The following TLR8 variants were observed in gnomAD, a reference collection of about 807,000 sequenced individuals.
The protein encoded by TLR8 is toll like receptor 8, also known as toll-like receptor 8.
Under a neutral mutation model 18.5 loss-of-function variants are expected in TLR8, and 5 were observed. The observed-to-expected ratio is 0.27, with a 90% CI of 0.14 to 0.57. The LOEUF is 0.57. Among genes scored for constraint, TLR8 ranks in the 20% least tolerant of loss-of-function variants. TLR8 has a pLI of 0.92. For missense variants in TLR8, 543 were observed against 769.8 expected (o/e 0.71, Z 3.49); for synonymous variants, 299 against 300.1 (o/e 1.00, Z 0.04).
intron 1 of TLR8, among the ~76,000 whole-genome samples, chrX:12,915,307 C>A (rs2043047467): frequency 9.0e-6 from 1 of 111,346 alleles, no homozygotes; most frequent in Non-Finnish European, 1.9e-5. Flanking sequence ...GGACCACAAG[C>A]ATGAGCCACC....
chrX:12,911,980 A>G (rs1308200059), intron 1 of TLR8, among the ~76,000 whole-genome samples: 1 of 112,459 alleles, frequency 8.9e-6, no homozygotes, highest in Non-Finnish European at 1.9e-5. Context: ...TTGATCTTAG[A>G]GGATTCTATT....
chrX:12,913,383 C>T (rs1348153360), intron 1 of TLR8, among the ~76,000 whole-genome samples: 1 of 112,297 alleles, frequency 8.9e-6, no homozygotes, highest in Non-Finnish European at 1.9e-5. Context: ...CAATACTTTC[C>T]ACCATCTAAC....
In TLR8 at chrX:12,921,898, G is replaced by C; in HGVS notation, c.2858G>C (p.Ser953Thr). 8 of 1,211,525 alleles carry C rather than the reference G, an allele frequency of 6.6e-6. 1 individual carries two copies. In the East Asian group the frequency reaches 8.9e-5, roughly 13 times the overall value. Residue 953 changes from serine (S) to threonine (T), a missense_variant, in exon 2 of 2, where the codon AGC (serine) becomes ACC (threonine). Physicochemically the swap from Ser to Thr is moderately conservative, Grantham distance 58. This residue lies in a region of TLR8 where 227 missense variants were observed against 312.9 expected (regional missense o/e 0.73). Coordinates refer to ENST00000218032, the MANE Select transcript of TLR8 (RefSeq NM_138636.5). ...GTTTTAACCAAAAAATATGCAAAAA[G>C]CTGGAACTTTAAAACAGCTTTTTAC... ...VFVLTKKYAK[S>T]WNFKTAFYLA...
At position 12,919,589 on chromosome X, in the gene TLR8, T is replaced by C. The variant is rs756834432; in HGVS notation, c.549T>C (p.Phe183=). 7.5e-6 allele frequency: 9 copies of C among 1,207,132 alleles called. No individual in the cohort carries two copies. The highest frequency in any genetic ancestry group is 1.1e-6 in the Non-Finnish European group (1 of 894,319). Residue 183 remains phenylalanine, a synonymous_variant, in exon 2 of 2, where the codon TTT becomes TTC. Transcript: ENST00000218032. ...KNLYLAWNCY[F]NKVCEKTNIE... Reference sequence around the variant, plus strand: ...TCTATTTGGCCTGGAACTGCTATTTTAACAAAGTTTGCGAGAAAACTAACA... The same window carrying C: ...TCTATTTGGCCTGGAACTGCTATTTCAACAAAGTTTGCGAGAAAACTAACA...
chrX:12,918,632 C>T (rs1471048711), intron 1 of TLR8, among the ~76,000 whole-genome samples: 5 of 111,208 alleles, frequency 4.5e-5, no homozygotes, highest in African/African-American at 1.6e-4. Context: ...CTCAGGAGCT[C>T]AAGCCATCCT....
chrX:12,907,028 C>T (rs2147252147), intron 1 of TLR8, among the ~76,000 whole-genome samples: 1 of 111,962 alleles, frequency 8.9e-6, no homozygotes, highest in Admixed American at 9.4e-5. Context: ...CTGGCCCTAC[C>T]AGAGACAATA....
At chrX:12,907,367 A>G (rs2042991733) in intron 1 of TLR8, among the ~76,000 whole-genome samples, 1 of 112,631 alleles carries the variant, frequency 8.9e-6, no homozygotes, top group Middle Eastern at 4.2e-3. Flanking sequence ...AAGAACTGTC[A>G]GACTAAAAAT....
Position 12,921,811 on chromosome X carries a change from C to T in TLR8, c.2771C>T (p.Pro924Leu). ...LLCLEERDWD[P>L]GLAIIDNLMQ... The stretch of plus-strand genomic sequence containing the variant: ...TGTCTAGAGGAGAGGGATTGGGACC[C>T]GGGATTGGCCATCATCGACAACCTC... The change falls in exon 2 of 2, where the codon CCG becomes CTG. Residue 924 changes from proline (P) to leucine (L), a missense_variant. Physicochemically the swap from Pro to Leu is moderately conservative, Grantham distance 98. Coordinates refer to ENST00000218032, the MANE Select transcript of TLR8 (RefSeq NM_138636.5). 1 of 1,211,485 alleles carries T rather than the reference C, an allele frequency of 8.3e-7. No individual in the cohort carries two copies.
At position 12,919,423 on chromosome X, in the gene TLR8, G is replaced by C; in HGVS notation, c.383G>C (p.Arg128Thr). 2 of 1,210,919 alleles carry C rather than the reference G, an allele frequency of 1.7e-6. No individual in the cohort carries two copies. Among genetic ancestry groups the C allele is most frequent in the Non-Finnish European group, 2.2e-6 (2 of 895,190 alleles). The change falls in exon 2 of 2, where the codon AGG (arginine) becomes ACG (threonine). Residue 128 changes from arginine (R) to threonine (T), a missense_variant. By Grantham distance (71) the Arg-to-Thr change is moderately conservative. Transcript: ENST00000218032. Reference sequence around the variant, plus strand: ...GCATTCCTCAACCTAAAAAACCTAAGGGAGTTACTGCTTGAAGACAACCAG... The same window carrying C: ...GCATTCCTCAACCTAAAAAACCTAACGGAGTTACTGCTTGAAGACAACCAG... ...DGAFLNLKNLRELLLEDNQLP... is the reference protein window; with the variant it reads ...DGAFLNLKNLTELLLEDNQLP...
chrX:12,914,564 C>T (rs1489923736), intron 1 of TLR8, among the ~76,000 whole-genome samples: 1 of 111,967 alleles, frequency 8.9e-6, no homozygotes, highest in Non-Finnish European at 1.9e-5. Context: ...ACACCCATCC[C>T]TCCAGGTGCA....
chrX:12,915,880 C>CTTT (rs113733877), intron 1 of TLR8, among the ~76,000 whole-genome samples: 19 of 104,746 alleles, frequency 1.8e-4, no homozygotes, highest in African/African-American at 6.6e-4. Flanking sequence ...GGTTTCACTC[C>CTTT]TTTTTTTTTT....
intron 1 of TLR8, among the ~76,000 whole-genome samples, chrX:12,915,798 T>A (rs1033820178): frequency 5.7e-4 from 64 of 112,549 alleles, no homozygotes; most frequent in African/African-American, 1.9e-3. Flanking sequence ...GCTGCTCCCT[T>A]TTCCTGAAAA....
intron 1 of TLR8, among the ~76,000 whole-genome samples, chrX:12,909,574 C>G (rs1006915008): frequency 8.9e-6 from 1 of 111,796 alleles, no homozygotes. Context: ...TGGAAGTTCT[C>G]TGTGGTAGCC....
intron 1 of TLR8, chrX:12,910,464 G>C (rs1221279671): frequency 8.6e-7 from 1 of 1,164,895 alleles, no homozygotes; most frequent in Admixed American, 2.6e-5. Flanking sequence ...TTAATTCCAG[G>C]AAGACAGCTT....
chrX:12,912,057 T>C (rs191343831), intron 1 of TLR8, among the ~76,000 whole-genome samples: 45 of 110,782 alleles, frequency 4.1e-4, no homozygotes, highest in African/African-American at 1.5e-3. Flanking sequence ...GGTTGTGCTC[T>C]CTCACTCTTT....
chrX:12,916,370 T>A (rs2043055627), intron 1 of TLR8, among the ~76,000 whole-genome samples: 1 of 111,669 alleles, frequency 9.0e-6, no homozygotes, highest in African/African-American at 3.3e-5. Context: ...CAGGGATGAG[T>A]CCGGAAAGTG....
rs199990267 is a variant in TLR8, at chrX:12,909,352, ATTC to A, written c.3+2653_3+2655del. 6.1e-3 allele frequency among the ~76,000 whole-genome samples: 679 copies of A among 112,199 alleles called. 4 individuals are homozygous for A. The highest frequency in any genetic ancestry group is 0.018 in the African/African-American group (570 of 30,828). ...TGTATTTTATGTGTGGCCCAAGACA[ATTC>A]TTCTTCTTCCAGTGTGGCCCAGAGA... On this transcript the variant is annotated intron_variant, in intron 1 of 1. Transcript: ENST00000218032.
At position 12,911,665 on chromosome X, in the gene TLR8, C is replaced by A. The variant is rs750172469; in HGVS notation, c.3+4956C>A. On this transcript the variant is annotated intron_variant, in intron 1 of 1. Transcript: ENST00000218032. ...CTAAAAACTCCCCTTTTTTGATTCT[C>A]TATTCTGCCACTTCTACTCAATCCA... Among the ~76,000 whole-genome samples, 18 of 112,449 alleles carry A rather than the reference C, an allele frequency of 1.6e-4. No individual in the cohort carries two copies. The South Asian group carries it at 6.2e-3, about 39-fold the overall frequency.
Position 12,921,750 on chromosome X carries a change from C to A in TLR8, c.2710C>A (p.His904Asn). The change falls in exon 2 of 2, where the codon CAC becomes AAC. Residue 904 changes from histidine (H) to asparagine (N), a missense_variant. This residue lies in a region of TLR8 where 227 missense variants were observed against 312.9 expected (regional missense o/e 0.73). Coordinates refer to ENST00000218032, the MANE Select transcript of TLR8 (RefSeq NM_138636.5). ...TDWVINELRYHLEESRDKNVL... is the reference protein window; with the variant it reads ...TDWVINELRYNLEESRDKNVL... ...CTGGGTGATAAATGAGCTGCGCTAC[C>A]ACCTTGAAGAGAGCCGAGACAAAAA... is the stretch of plus-strand genomic sequence containing the variant. The A allele has an allele frequency of 1.7e-6, 2 of 1,211,303 alleles. No individual in the cohort carries two copies. The highest frequency in any genetic ancestry group is 1.7e-5 in the African/African-American group (1 of 57,765).
Sources: allele counts gnomAD v4.1 joint callset (sites outside exome capture counted in the v4.1 genomes callset), GRCh38; gene constraint gnomAD v4.1.1; regional missense constraint gnomAD v4.1.1; transcripts MANE v1.5; gene names NCBI Gene and HGNC (gene_info 2026-07-23, HGNC 2026-07-21).